The following SGPP1 variants were observed in gnomAD, a reference collection of about 807,000 sequenced individuals.
The protein encoded by SGPP1 is sphingosine-1-phosphate phosphatase 1, also known as hSPP1.
SGPP1 carries 21 observed loss-of-function variants against 33.0 expected under a neutral mutation model. That is an observed-to-expected ratio of 0.64 (90% confidence interval 0.45 to 0.92). The LOEUF (loss-of-function observed/expected upper bound fraction) is 0.92, where lower values mean the gene tolerates loss of function less well. Among genes scored for constraint, SGPP1 ranks in the 40% least tolerant of loss-of-function variants. The probability of loss-of-function intolerance (pLI) is 0.00; values close to 1 mark genes in which losing one functional copy is unlikely to be tolerated. For missense variants in SGPP1, 543 were observed against 589.4 expected (o/e 0.92, Z 0.81); for synonymous variants, 239 against 241.2 (o/e 0.99, Z 0.08).
intron 1 of SGPP1, among the ~76,000 whole-genome samples, chr14:63,700,681 G>A (rs1275340821): frequency 1.3e-5 from 2 of 152,064 alleles, no homozygotes; most frequent in African/African-American, 4.8e-5. Flanking sequence ...GTAACATGGA[G>A]AAAATAAAAA....
chr14:63,695,959 T>C (rs1240086183), intron 2 of SGPP1, among the ~76,000 whole-genome samples: 1 of 151,724 alleles, frequency 6.6e-6, no homozygotes, highest in East Asian at 1.9e-4. Context: ...ATCCTGGATA[T>C]TTGACTAACC....
At chr14:63,689,862 C>T (rs541439278) in intron 2 of SGPP1, among the ~76,000 whole-genome samples, 1 of 151,864 alleles carries the variant, frequency 6.6e-6, no homozygotes, top group African/African-American at 2.4e-5. Context: ...TTACAGCAGT[C>T]TCTTTTGAAC....
At chr14:63,689,616 G>A (rs971063229) in intron 2 of SGPP1, among the ~76,000 whole-genome samples, 9 of 151,632 alleles carry the variant, frequency 5.9e-5, no homozygotes, top group African/African-American at 1.7e-4. Context: ...GGCCAACATG[G>A]TGAAACCCTA....
At chr14:63,705,903 C>T (rs187056790) in intron 1 of SGPP1, among the ~76,000 whole-genome samples, 1 of 152,136 alleles carries the variant, frequency 6.6e-6, no homozygotes, top group Admixed American at 6.6e-5. Context: ...ACAGAATTAC[C>T]ATACGACCCA....
At position 63,727,936 on chromosome 14, in the gene SGPP1, C is replaced by G. The variant is rs1345288496; in HGVS notation, c.9G>C (p.Leu3=). 1 of 1,545,264 alleles carries G rather than the reference C, an allele frequency of 6.5e-7. No homozygotes were observed. The highest frequency in any genetic ancestry group is 1.2e-5 in the South Asian group (1 of 85,578). ...CAACCAGCTGGGCCAGGCGCTGCCTCAGCGACATGATAACGGAACCCCCGG... is the reference window on the plus strand; with the variant it reads ...CAACCAGCTGGGCCAGGCGCTGCCTGAGCGACATGATAACGGAACCCCCGG... The part of the protein sequence containing the change: MS[L]RQRLAQLVGR... Residue 3 remains leucine (L), a synonymous_variant, in exon 1 of 3, where the codon CTG becomes CTC. Transcript: ENST00000247225.
At chr14:63,696,096 T>C (rs1885181544) in intron 2 of SGPP1, among the ~76,000 whole-genome samples, 1 of 152,188 alleles carries the variant, frequency 6.6e-6, no homozygotes, top group African/African-American at 2.4e-5. Flanking sequence ...GAGACCAGCC[T>C]GGCCAACATG....
At chr14:63,704,365 T>C (rs997985274) in intron 1 of SGPP1, among the ~76,000 whole-genome samples, 5 of 152,176 alleles carry the variant, frequency 3.3e-5, no homozygotes, top group African/African-American at 9.7e-5. Flanking sequence ...TAAACCCATA[T>C]ACGTATGGTT....
chr14:63,721,244 C>G (rs961711957), intron 1 of SGPP1, among the ~76,000 whole-genome samples: 1 of 152,148 alleles, frequency 6.6e-6, no homozygotes, highest in African/African-American at 2.4e-5. Context: ...CGTGCCACTG[C>G]ACTCCAGGCT....
At chr14:63,687,616 A>G (rs572101150) in intron 2 of SGPP1, among the ~76,000 whole-genome samples, 28 of 152,330 alleles carry the variant, frequency 1.8e-4, no homozygotes, top group Non-Finnish European at 7.4e-5. Flanking sequence ...AAGGGAGCCT[A>G]TATTTAGAGG....
intron 2 of SGPP1, among the ~76,000 whole-genome samples, chr14:63,697,937 C>G (rs555109020): frequency 1.4e-4 from 21 of 152,176 alleles, no homozygotes; most frequent in African/African-American, 5.1e-4. Flanking sequence ...AATTAAGATG[C>G]TATCACAGTA....
chr14:63,689,059 A>G (rs1261237656), intron 2 of SGPP1, among the ~76,000 whole-genome samples: 3 of 152,180 alleles, frequency 2.0e-5, no homozygotes, highest in Non-Finnish European at 4.4e-5. Flanking sequence ...GTTAAGCAAC[A>G]GACTAGTTGC....
chr14:63,719,515 C>T (rs1304931833), intron 1 of SGPP1, among the ~76,000 whole-genome samples: 1 of 151,594 alleles, frequency 6.6e-6, no homozygotes, highest in Non-Finnish European at 1.5e-5. Context: ...GTAATGTGTT[C>T]CAGTAAACAG....
chr14:63,717,744 T>C (rs1885666016), intron 1 of SGPP1, among the ~76,000 whole-genome samples: 1 of 152,090 alleles, frequency 6.6e-6, no homozygotes, highest in Non-Finnish European at 1.5e-5. Context: ...TCAAGCTCAA[T>C]GACCTCAAAG....
At chr14:63,711,811 C>G (rs1885528932) in intron 1 of SGPP1, among the ~76,000 whole-genome samples, 2 of 152,130 alleles carry the variant, frequency 1.3e-5, no homozygotes, top group South Asian at 4.1e-4. Context: ...GGGCAGATCA[C>G]TTGAGGTCAG....
intron 1 of SGPP1, among the ~76,000 whole-genome samples, chr14:63,703,424 G>A (rs771935451): frequency 6.6e-6 from 1 of 152,024 alleles, no homozygotes; most frequent in Non-Finnish European, 1.5e-5. Context: ...GGAAGCTGAG[G>A]TGGGCGGATC....
chr14:63,700,571 G>C (rs925313981), intron 1 of SGPP1, among the ~76,000 whole-genome samples: 4 of 151,994 alleles, frequency 2.6e-5, no homozygotes, highest in African/African-American at 9.7e-5. Context: ...TCTTGCTGGA[G>C]GAGGCATTAA....
At chr14:63,698,470 C>G in intron 2 of SGPP1, 99 bp downstream of exon 2, 1 of 564,510 alleles carries the variant, frequency 1.8e-6, no homozygotes, top group Non-Finnish European at 3.0e-6. Context: ...AATATTTTCT[C>G]ATTTAGGCTT....
At position 63,686,557 on chromosome 14, in the gene SGPP1, G is replaced by C. The variant is rs760354451; in HGVS notation, c.874C>G (p.Pro292Ala). The change falls in exon 3 of 3, where the codon CCA becomes GCA. Residue 292 changes from proline (P) to alanine (A), a missense_variant. Pro to Ala is a conservative substitution (Grantham distance 27). Coordinates refer to ENST00000247225, the MANE Select transcript of SGPP1 (RefSeq NM_030791.4). Reference protein sequence around the residue: ...DNFNQTHKYAPFIIIGLHLAL... With the variant: ...DNFNQTHKYAAFIIIGLHLAL... Reference sequence around the variant, plus strand: ...AAATGAAGCCCGATGATGATGAATGGAGCATATTTGTGAGTTTGGTTGAAG... The same window carrying C: ...AAATGAAGCCCGATGATGATGAATGCAGCATATTTGTGAGTTTGGTTGAAG... The C allele has an allele frequency of 5.0e-6, 8 of 1,613,914 alleles. No homozygotes were observed. The highest frequency in any genetic ancestry group is 3.3e-5 in the Admixed American group (2 of 60,002).
intron 2 of SGPP1, among the ~76,000 whole-genome samples, chr14:63,698,297 G>GA (rs1885227928): frequency 6.6e-6 from 1 of 152,118 alleles, no homozygotes; most frequent in Admixed American, 6.6e-5. Context: ...GACTGCAAAG[G>GA]AAAATAAAAG....
Sources: allele counts gnomAD v4.1 joint callset (sites outside exome capture counted in the v4.1 genomes callset), GRCh38; gene constraint gnomAD v4.1.1; transcripts MANE v1.5; gene names NCBI Gene and HGNC (gene_info 2026-07-23, HGNC 2026-07-21).